BMP3: variants seen among roughly 807,000 people sequenced by gnomAD.
BMP3 encodes the protein bone morphogenetic protein 3, also known as bone morphogenetic protein 3 (osteogenic).
In BMP3, 23 loss-of-function variants were observed where a neutral mutation model predicts 38.1. That is an observed-to-expected ratio of 0.60 (90% confidence interval 0.43 to 0.86). BMP3 has a LOEUF of 0.86. BMP3 is among the 40% of genes least tolerant of loss of function. The probability of loss-of-function intolerance (pLI) is 0.00; values close to 1 mark genes in which losing one functional copy is unlikely to be tolerated. For synonymous variants in BMP3, 258 were observed against 225.7 expected, an observed-to-expected ratio of 1.14 and a Z score of -1.28; for missense variants, 628 against 579.6, an observed-to-expected ratio of 1.08 and a Z score of -0.86.
Position 81,045,733 on chromosome 4 carries a change from C to T in BMP3, c.317-5C>T. 4 of 1,567,000 alleles carry T rather than the reference C, an allele frequency of 2.6e-6. No homozygotes were observed. Among genetic ancestry groups the T allele is most frequent in the Non-Finnish European group, 3.4e-6 (4 of 1,159,440 alleles). ...CTGTTTACTCTCTTTCTTTTTCCTT[C>T]CTAGAAACTCTTGAAAGAAAAGGAC... On this transcript the variant is annotated splice_region_variant and splice_polypyrimidine_tract_variant and intron_variant, in intron 1 of 2. Coordinates refer to ENST00000282701, the MANE Select transcript of BMP3 (RefSeq NM_001201.5).
In BMP3 at chr4:81,045,999, A is replaced by G. The variant is rs763285730; in HGVS notation, c.578A>G (p.Asp193Gly). The change falls in exon 2 of 3, where the codon GAT (aspartate) becomes GGT (glycine). Residue 193 changes from aspartate (D) to glycine (G), a missense_variant. Asp to Gly is a moderately conservative substitution (Grantham distance 94, BLOSUM62 -1). Transcript: ENST00000282701. ...LSVDMAKSHR[D>G]IMSWLSKDIT... ...GTGGATATGGCCAAATCTCATCGAG[A>G]TATTATGTCCTGGCTGTCTAAAGAT... is the stretch of plus-strand genomic sequence containing the variant. 1.2e-6 allele frequency: 2 copies of G among 1,614,126 alleles called. No individual in the cohort carries two copies. The highest frequency in any genetic ancestry group is 1.7e-6 in the Non-Finnish European group (2 of 1,180,014).
chr4:81,043,590 A>ATTTTTTT lies in BMP3; in HGVS notation c.317-2139_317-2133dup, dbSNP rs3038534. On this transcript the variant is annotated intron_variant, in intron 1 of 2. Coordinates refer to ENST00000282701, the MANE Select transcript of BMP3 (RefSeq NM_001201.5). ...CCCAATGCTTATCAAGCATACTACAATTTTTTTTTTTTTTTGAGACAGCGT... is the reference window on the plus strand; with the variant it reads ...CCCAATGCTTATCAAGCATACTACAATTTTTTTTTTTTTTTTTTTTTTGAGACAGCGT... 3.9e-4 allele frequency among the ~76,000 whole-genome samples: 51 copies of ATTTTTTT among 130,756 alleles called. 2 individuals are homozygous for ATTTTTTT. The highest frequency in any genetic ancestry group is 1.4e-3 in the African/African-American group (47 of 34,736). The allele number at this position is 130,756 out of a possible 152,430, so 85.8% of individuals were successfully genotyped here.
chr4:81,031,622 C>G, intron 1 of BMP3, 22 bp downstream of exon 1: 5 of 1,545,676 alleles, frequency 3.2e-6, no homozygotes, highest in Non-Finnish European at 4.4e-6. Flanking sequence ...AGGTGAGACT[C>G]CCTTCCCGCG....
chr4:81,048,388 C>T (rs1740317606), intron 2 of BMP3, among the ~76,000 whole-genome samples: 1 of 152,164 alleles, frequency 6.6e-6, no homozygotes, highest in Non-Finnish European at 1.5e-5. Context: ...TCCAAATAAT[C>T]CCTCTCACTT....
At chr4:81,041,995 C>T (rs1740092031) in intron 1 of BMP3, among the ~76,000 whole-genome samples, 1 of 151,926 alleles carries the variant, frequency 6.6e-6, no homozygotes, top group Non-Finnish European at 1.5e-5. Flanking sequence ...TTATTCTAGA[C>T]CACAACCATC....
chr4:81,053,143 T>C (rs972794781), intron 2 of BMP3, among the ~76,000 whole-genome samples: 4 of 152,152 alleles, frequency 2.6e-5, no homozygotes, highest in African/African-American at 9.7e-5. Flanking sequence ...ATAATATGCC[T>C]GGAATGCAGC....
rs1230947716 is a variant in BMP3 at position 81,054,094 on chromosome 4, A to G, written c.*558A>G. Reference sequence around the variant, plus strand: ...AAGTTTATGCTGAGCGTTAGTGTGTATGTATGTGCGTACATGCGCCAGGTG... The same window carrying G: ...AAGTTTATGCTGAGCGTTAGTGTGTGTGTATGTGCGTACATGCGCCAGGTG... On this transcript the variant is annotated 3_prime_UTR_variant, in exon 3 of 3. Transcript: ENST00000282701. 6.6e-6 allele frequency: 1 copy of G among 152,640 alleles called. No homozygotes were observed. The highest frequency in any genetic ancestry group is 1.5e-5 in the Non-Finnish European group (1 of 68,064). 9.5% of individuals were successfully genotyped at this position (152,640 alleles called of 1,614,324 possible).
intron 1 of BMP3, among the ~76,000 whole-genome samples, chr4:81,032,415 G>A (rs1274256662): frequency 1.3e-5 from 2 of 152,102 alleles, no homozygotes; most frequent in East Asian, 3.9e-4. Flanking sequence ...GGCTTAACAA[G>A]GTTTCTCCTA....
At chr4:81,035,987 C>T (rs1331681394) in intron 1 of BMP3, among the ~76,000 whole-genome samples, 1 of 151,896 alleles carries the variant, frequency 6.6e-6, no homozygotes, top group Non-Finnish European at 1.5e-5. Flanking sequence ...AGTATGTTAA[C>T]TTATATTATT....
At chr4:81,034,972 A>T (rs553315200) in intron 1 of BMP3, among the ~76,000 whole-genome samples, 2 of 152,160 alleles carry the variant, frequency 1.3e-5, no homozygotes, top group Non-Finnish European at 2.9e-5. Context: ...TAGAAAAACT[A>T]TTAAAATGTA....
Position 81,053,432 on chromosome 4 carries a change from C to T in BMP3, c.1315C>T (p.Pro439Ser). ...VPGIPEPCCV[P>S]EKMSSLSILF... ...TGGGATTCCTGAGCCTTGCTGTGTACCAGAAAAGATGTCCTCACTCAGTAT... is the reference window on the plus strand; with the variant it reads ...TGGGATTCCTGAGCCTTGCTGTGTATCAGAAAAGATGTCCTCACTCAGTAT... Residue 439 changes from proline to serine, a missense_variant, in exon 3 of 3, where the codon CCA (proline) becomes TCA (serine). Coordinates refer to ENST00000282701, the MANE Select transcript of BMP3 (RefSeq NM_001201.5). 6.2e-7 allele frequency: 1 copy of T among 1,610,674 alleles called. No homozygotes were observed. The highest frequency in any genetic ancestry group is 8.5e-7 in the Non-Finnish European group (1 of 1,178,326).
chr4:81,054,434 A>C lies in BMP3; in HGVS notation c.*898A>C, dbSNP rs923020227. 1.3e-5 allele frequency: 2 copies of C among 152,236 alleles called. No individual in the cohort carries two copies. Among genetic ancestry groups the C allele is most frequent in the Non-Finnish European group, 2.9e-5 (2 of 68,046 alleles). The allele number at this position is 152,236 out of a possible 1,614,324, so 9.4% of individuals were successfully genotyped here. The stretch of plus-strand genomic sequence containing the variant: ...CTTTTATTTATTCTAAATTGAATTT[A>C]AAAATCCTTCCTAAAGCCATTAACT... On this transcript the variant is annotated 3_prime_UTR_variant, in exon 3 of 3. Transcript: ENST00000282701.
intron 1 of BMP3, among the ~76,000 whole-genome samples, chr4:81,032,208 A>AAAC (rs1553913117): frequency 4.7e-5 from 7 of 150,414 alleles, no homozygotes; most frequent in Non-Finnish European, 7.4e-5. Context: ...AAAAAAAAAA[A>AAAC]AAAAAAAAAA....
rs539599000 is a variant in BMP3 at position 81,031,325 on chromosome 4, G to C, written c.41G>C (p.Cys14Ser). Residue 14 changes from cysteine (C) to serine (S), a missense_variant, in exon 1 of 3, where the codon TGC (cysteine) becomes TCC (serine). Coordinates refer to ENST00000282701, the MANE Select transcript of BMP3 (RefSeq NM_001201.5). ...ASRLLFLWLG[C>S]FCVSLAQGER... ...AGGCTGCTCTTTCTGTGGCTGGGCT[G>C]CTTCTGCGTGAGCCTGGCGCAGGGA... 2 of 1,610,258 alleles carry C rather than the reference G, an allele frequency of 1.2e-6. No homozygotes were observed. Among genetic ancestry groups the C allele is most frequent in the East Asian group, 2.2e-5 (1 of 44,686 alleles).
At chr4:81,052,691 C>T (rs1055880153) in intron 2 of BMP3, among the ~76,000 whole-genome samples, 4 of 152,100 alleles carry the variant, frequency 2.6e-5, no homozygotes, top group African/African-American at 9.7e-5. Flanking sequence ...TCTTACCCCC[C>T]AGTTTGTACT....
intron 1 of BMP3, among the ~76,000 whole-genome samples, chr4:81,036,476 G>T (rs969718556): frequency 1.3e-5 from 2 of 152,008 alleles, no homozygotes; most frequent in African/African-American, 4.8e-5. Context: ...AAATTTTGAT[G>T]ATTCTCCCAT....
rs1458943170 is a variant in BMP3 at position 81,031,148 on chromosome 4, C to A, written c.-137C>A. ...GGGCTGGCCGCTATCTCGCTGCACC[C>A]GGCCGCGTCCCGGGCTCCGTGCGCC... is the stretch of plus-strand genomic sequence containing the variant. On this transcript the variant is annotated 5_prime_UTR_variant, in exon 1 of 3. Coordinates refer to ENST00000282701, the MANE Select transcript of BMP3 (RefSeq NM_001201.5). The A allele has an allele frequency of 7.4e-6, 7 of 941,488 alleles. No individual in the cohort carries two copies. In the East Asian group the frequency reaches 1.9e-4, roughly 26 times the overall value. The allele number at this position is 941,488 out of a possible 1,614,324, so 58.3% of individuals were successfully genotyped here. A position where few individuals can be genotyped will look rare whatever the true frequency, so the allele number is the denominator to read the frequency against.
At chr4:81,031,746 C>A in intron 1 of BMP3, 146 bp downstream of exon 1, 1 of 1,002,108 alleles carries the variant, frequency 1.0e-6, no homozygotes, top group Non-Finnish European at 1.4e-6. Context: ...TGGATTCCTC[C>A]GTCCAGTCAC....
chr4:81,048,685 T>C (rs1010536919), intron 2 of BMP3, among the ~76,000 whole-genome samples: 1 of 152,160 alleles, frequency 6.6e-6, no homozygotes, highest in African/African-American at 2.4e-5. Flanking sequence ...AATTTAAGAA[T>C]TGATGAGGAA....
Sources: gnomAD v4.1 joint callset for allele counts (sites outside exome capture counted in the v4.1 genomes callset) on GRCh38, gnomAD v4.1.1 for gene constraint, MANE v1.5 for transcripts, NCBI Gene and HGNC (gene_info 2026-07-23, HGNC 2026-07-21) for gene names.